PAAF1: variants seen among roughly 807,000 people sequenced by gnomAD.
PAAF1 encodes proteasomal ATPase-associated factor 1.
PAAF1 carries 46 observed loss-of-function variants against 52.8 expected under a neutral mutation model. That is an observed-to-expected ratio of 0.87 (90% CI 0.69 to 1.11). PAAF1 has a LOEUF of 1.11. PAAF1 is among the 50% of genes most tolerant of loss of function. The pLI, the probability that PAAF1 is intolerant of heterozygous loss-of-function variation, is 0.00. For synonymous variants in PAAF1, 178 were observed against 172.8 expected, an observed-to-expected ratio of 1.03 and a Z score of -0.24; for missense variants, 424 against 477.4, an observed-to-expected ratio of 0.89 and a Z score of 1.04.
intron 3 of PAAF1, chr11:73,889,382 G>A: frequency 1.9e-6 from 1 of 521,130 alleles, no homozygotes; most frequent in Non-Finnish European, 3.0e-6. Context: ...GCATAAAAAT[G>A]TTTGACTTAG....
chr11:73,908,318 T>C (rs1309604152), intron 6 of PAAF1, among the ~76,000 whole-genome samples: 1 of 145,448 alleles, frequency 6.9e-6, no homozygotes, highest in Non-Finnish European at 1.5e-5. Flanking sequence ...TATATATATG[T>C]GTATATATGT....
At chr11:73,899,064 A>C in intron 4 of PAAF1, 82 bp from the exon 5 acceptor site, 1 of 1,136,584 alleles carries the variant, frequency 8.8e-7, no homozygotes. Context: ...GAAGAGTGAA[A>C]AAAGGGAAGT....
At chr11:73,901,111 AGAT>A (rs922596373) in intron 6 of PAAF1, among the ~76,000 whole-genome samples, 2 of 151,134 alleles carry the variant, frequency 1.3e-5, no homozygotes, top group African/African-American at 4.9e-5. Context: ...AGAGAAAAGG[AGAT>A]GTGTCTGCAT....
At chr11:73,888,887 G>A in intron 3 of PAAF1, 1 of 436,862 alleles carries the variant, frequency 2.3e-6, no homozygotes, top group Non-Finnish European at 4.0e-6. Flanking sequence ...TGGTTAATGG[G>A]GAATGAGACT....
chr11:73,887,316 TC>T, intron 2 of PAAF1, 37 bp from the exon 3 acceptor site: 1 of 1,476,600 alleles, frequency 6.8e-7, no homozygotes, highest in Non-Finnish European at 9.3e-7. Flanking sequence ...AATAAATTTT[TC>T]TTATTTTTTG....
intron 1 of PAAF1, among the ~76,000 whole-genome samples, chr11:73,877,492 C>T (rs1371020104): frequency 6.6e-6 from 1 of 152,174 alleles, no homozygotes. Context: ...CTGGACGATA[C>T]TATTAAGGAA....
intron 4 of PAAF1, 29 bp from the exon 5 acceptor site, chr11:73,899,117 A>G: frequency 6.5e-7 from 1 of 1,537,676 alleles, no homozygotes; most frequent in South Asian, 1.1e-5. Flanking sequence ...CATTATTTCT[A>G]ACACATTGTT....
chr11:73,882,517 G>A (rs904813492), intron 2 of PAAF1, among the ~76,000 whole-genome samples: 1 of 151,690 alleles, frequency 6.6e-6, no homozygotes, highest in African/African-American at 2.4e-5. Flanking sequence ...TGCGATCTCC[G>A]CTCACTGCAA....
chr11:73,902,357 C>T (rs1565139037), intron 6 of PAAF1, among the ~76,000 whole-genome samples: 1 of 152,130 alleles, frequency 6.6e-6, no homozygotes. Flanking sequence ...TCCTGAAGAA[C>T]TGAGAGATTG....
rs144506447 is a variant in PAAF1, at chr11:73,894,198, T to G, written c.282+2997T>G. On this transcript the variant is annotated intron_variant, in intron 4 of 11. Coordinates refer to ENST00000310571, the MANE Select transcript of PAAF1 (RefSeq NM_025155.3). Reference sequence around the variant, plus strand: ...GGAATGCCGCTCACCTTTTGAGAAGTAAGTCATTTTAAAAATCATTTACAG... The same window carrying G: ...GGAATGCCGCTCACCTTTTGAGAAGGAAGTCATTTTAAAAATCATTTACAG... Among the ~76,000 whole-genome samples, 1,488 of 152,228 alleles carry G rather than the reference T, an allele frequency of 9.8e-3. 22 individuals are homozygous for G. Among genetic ancestry groups the G allele is most frequent in the Middle Eastern group, 0.037 (11 of 294 alleles).
rs780141111 is a variant in PAAF1 at position 73,878,804 on chromosome 11, A to C, written c.73A>C (p.Ser25Arg). Residue 25 changes from serine (S) to arginine (R), a missense_variant, in exon 2 of 12, where the codon AGC becomes CGC. Transcript: ENST00000310571. ...LRKDEGEAWL[S>R]CHPPGKPSLY... ...GAAGGATGAAGGGGAGGCCTGGCTG[A>C]GCTGTCATCCCCCAGGTAATACCCA... The C allele has an allele frequency of 6.2e-7, 1 of 1,613,870 alleles. No homozygotes were observed. Among genetic ancestry groups the C allele is most frequent in the East Asian group, 2.2e-5 (1 of 44,876 alleles).
At chr11:73,911,553 C>T (rs989226016) in intron 7 of PAAF1, among the ~76,000 whole-genome samples, 2 of 151,914 alleles carry the variant, frequency 1.3e-5, no homozygotes, top group Non-Finnish European at 2.9e-5. Context: ...ACTCTTCAAC[C>T]CATTCTAGGA....
At chr11:73,904,025 A>G (rs1949694199) in intron 6 of PAAF1, among the ~76,000 whole-genome samples, 1 of 151,866 alleles carries the variant, frequency 6.6e-6, no homozygotes, top group Non-Finnish European at 1.5e-5. Context: ...CAGAGGTTGC[A>G]TTGAGCCAAG....
Position 73,897,236 on chromosome 11 carries a change from A to AC in PAAF1, c.283-1902dup, listed in dbSNP as rs377632289. ...GGGCGGCTGGCCGGGCGGGGGGCTG[A>AC]CCCCCCCCACCTCCCTCCCGGACGG... On this transcript the variant is annotated intron_variant, in intron 4 of 11. Coordinates refer to ENST00000310571, the MANE Select transcript of PAAF1 (RefSeq NM_025155.3). Among the ~76,000 whole-genome samples the AC allele has an allele frequency of 3.7e-4, 46 of 123,048 alleles. 1 individual carries two copies. The highest frequency in any genetic ancestry group is 5.4e-3 in the Middle Eastern group (1 of 186). The allele number at this position is 123,048 out of a possible 152,430, so 80.7% of individuals were successfully genotyped here.
chr11:73,879,030 T>C (rs923295481), intron 2 of PAAF1: 8 of 383,138 alleles, frequency 2.1e-5, no homozygotes, highest in Non-Finnish European at 3.8e-5. Flanking sequence ...CACAGACTTA[T>C]TCATGGAGAC....
chr11:73,922,235 GTACTTTTC>G (rs1211237838), intron 10 of PAAF1: 6 of 657,906 alleles, frequency 9.1e-6, no homozygotes, highest in African/African-American at 3.6e-5. Flanking sequence ...CAGATTTTTT[GTACTTTTC>G]TACTTTTCTG....
chr11:73,906,322 C>T (rs188194337), intron 6 of PAAF1, among the ~76,000 whole-genome samples: 89 of 152,166 alleles, frequency 5.8e-4, no homozygotes, highest in African/African-American at 1.9e-3. Flanking sequence ...GTGCAATCTC[C>T]GCTCACTTCA....
intron 2 of PAAF1, among the ~76,000 whole-genome samples, chr11:73,880,955 G>A (rs1341149049): frequency 2.0e-5 from 3 of 152,078 alleles, no homozygotes; most frequent in African/African-American, 4.8e-5. Context: ...AGTGGAGATC[G>A]TGCCATTGCA....
At chr11:73,918,352 A>ATTTTTTTTTTT (rs1157984685) in intron 9 of PAAF1, among the ~76,000 whole-genome samples, 6 of 71,736 alleles carry the variant, frequency 8.4e-5, no homozygotes, top group Non-Finnish European at 1.0e-4. Flanking sequence ...CAGTTACTTA[A>ATTTTTTTTTTT]TTTTTTTTTT....
Sources: allele counts gnomAD v4.1 joint callset (sites outside exome capture counted in the v4.1 genomes callset), GRCh38; gene constraint gnomAD v4.1.1; transcripts MANE v1.5; gene names NCBI Gene and HGNC (gene_info 2026-07-23, HGNC 2026-07-21).